The following MAPK8IP3 variants were observed in gnomAD, a reference collection of about 807,000 sequenced individuals.
MAPK8IP3 encodes the protein C-Jun-amino-terminal kinase-interacting protein 3.
MAPK8IP3 carries 49 observed loss-of-function variants against 157.8 expected under a neutral mutation model. That is an observed-to-expected ratio of 0.31 (90% CI 0.25 to 0.39). The LOEUF (loss-of-function observed/expected upper bound fraction) is 0.39, where lower values mean the gene tolerates loss of function less well. Among genes scored for constraint, MAPK8IP3 ranks in the 10% least tolerant of loss-of-function variants. The probability of loss-of-function intolerance (pLI) is 1.00; values close to 1 mark genes in which losing one functional copy is unlikely to be tolerated. For synonymous variants in MAPK8IP3, 897 were observed against 777.7 expected (o/e 1.15, Z -2.55); for missense variants, 1,478 against 1,889.4 (o/e 0.78, Z 4.04).
intron 1 of MAPK8IP3, among the ~76,000 whole-genome samples, chr16:1,713,365 C>T (rs760491035): frequency 3.3e-5 from 5 of 152,168 alleles, no homozygotes; most frequent in African/African-American, 1.2e-4. Context: ...ACTACAGGCT[C>T]GTGCCACCAT....
At chr16:1,764,058 T>C in intron 17 of MAPK8IP3, 57 bp from the exon 18 acceptor site, 1 of 1,492,852 alleles carries the variant, frequency 6.7e-7, no homozygotes, top group Admixed American at 1.9e-5. Flanking sequence ...CTCAGATTTC[T>C]GGAGGGATGG....
At chr16:1,763,459 G>A (rs938238911) in intron 16 of MAPK8IP3, among the ~76,000 whole-genome samples, 198 bp from the exon 17 acceptor site, 27 of 152,228 alleles carry the variant, frequency 1.8e-4, no homozygotes, top group Non-Finnish European at 1.5e-5. Context: ...CATAGCCGGT[G>A]CCAGGAAAGC....
chr16:1,736,179 C>CGTGTGACCGTCCGTGTGAGCAT (rs1567163473), intron 4 of MAPK8IP3, among the ~76,000 whole-genome samples: 88 of 100,292 alleles, frequency 8.8e-4, no homozygotes, highest in African/African-American at 3.1e-3. Flanking sequence ...TCCGTGTGAG[C>CGTGTGACCGTCCGTGTGAGCAT]GTGTGACCGT....
chr16:1,729,006 C>A, intron 2 of MAPK8IP3, 132 bp from the exon 3 acceptor site: 1 of 800,632 alleles, frequency 1.2e-6, no homozygotes, highest in Non-Finnish European at 2.2e-6. Context: ...ACTTGCCGGG[C>A]TGCTGCTGGT....
intron 5 of MAPK8IP3, 188 bp from the exon 6 acceptor site, chr16:1,746,841 G>C: frequency 1.5e-6 from 1 of 656,260 alleles, no homozygotes; most frequent in Non-Finnish European, 2.5e-6. Context: ...CGGATAAGCA[G>C]AGCCACTCGG....
At chr16:1,712,530 A>C (rs2037857868) in intron 1 of MAPK8IP3, among the ~76,000 whole-genome samples, 1 of 152,140 alleles carries the variant, frequency 6.6e-6, no homozygotes, top group Non-Finnish European at 1.5e-5. Context: ...AATTCCAGGC[A>C]GGGGGATTAG....
chr16:1,755,143 T>C (rs2041521381), intron 8 of MAPK8IP3, among the ~76,000 whole-genome samples: 1 of 152,186 alleles, frequency 6.6e-6, no homozygotes. Context: ...AAACCTGTGA[T>C]ACGAGCTCAT....
chr16:1,761,181 C>A (rs2041912306), intron 12 of MAPK8IP3, 43 bp from the exon 13 acceptor site: 2 of 1,523,692 alleles, frequency 1.3e-6, no homozygotes, highest in Non-Finnish European at 1.8e-6. Flanking sequence ...CCCGAGGCCC[C>A]TGGGAGGCCC....
chr16:1,759,838 C>T (rs1305299916), intron 10 of MAPK8IP3, 120 bp from the exon 11 acceptor site: 7 of 843,036 alleles, frequency 8.3e-6, no homozygotes, highest in Middle Eastern at 2.8e-4. Flanking sequence ...CCCTGTAGAT[C>T]GGGCGTCATC....
At chr16:1,727,913 C>G (rs137991658) in intron 2 of MAPK8IP3, among the ~76,000 whole-genome samples, 155 of 152,352 alleles carry the variant, frequency 1.0e-3, no homozygotes, top group African/African-American at 3.5e-3. Context: ...TAAACAGACA[C>G]CAGAAAGCTG....
At chr16:1,722,635 T>TG (rs2038603746) in intron 1 of MAPK8IP3, among the ~76,000 whole-genome samples, 1 of 151,050 alleles carries the variant, frequency 6.6e-6, no homozygotes, top group Non-Finnish European at 1.5e-5. Flanking sequence ...GAGGCTGAGG[T>TG]GGGAGGATCG....
intron 8 of MAPK8IP3, among the ~76,000 whole-genome samples, chr16:1,750,847 T>A (rs952159530): frequency 1.3e-5 from 2 of 151,998 alleles, no homozygotes; most frequent in African/African-American, 4.8e-5. Context: ...GGTTTCACAG[T>A]GTTGGTCAGG....
intron 4 of MAPK8IP3, among the ~76,000 whole-genome samples, chr16:1,737,147 C>CGT (rs2039998814): frequency 3.6e-5 from 2 of 55,334 alleles, no homozygotes; most frequent in Non-Finnish European, 6.5e-5. Context: ...TGTGACCATC[C>CGT]GTGACCGTCC....
rs781662638 is a variant in MAPK8IP3, at chr16:1,758,133, C to T, written c.1217-15C>T. On this transcript the variant is annotated splice_polypyrimidine_tract_variant and intron_variant, in intron 8 of 31. Transcript: ENST00000610761. ...TTCCTTCCCCTGCCTCTCTGTGCGT[C>T]GCTGGACTCGCCAGGGGAGTTCTCA... is the stretch of plus-strand genomic sequence containing the variant. 3.1e-6 allele frequency: 5 copies of T among 1,613,574 alleles called. No homozygotes were observed. Among genetic ancestry groups the T allele is most frequent in the African/African-American group, 2.7e-5 (2 of 74,932 alleles).
rs767997804 is a variant in MAPK8IP3 at position 1,762,373 on chromosome 16, G to A, written c.1562G>A (p.Arg521His). ...CAGGACAAAATCCCCATGGCCCAGC[G>A]CCGCCGCTTCACGCGGGTGGAGATG... ...TESDKIPMAQ[R>H]RRFTRVEMAR... Residue 521 changes from arginine (R) to histidine (H), a missense_variant, in exon 14 of 32, where the codon CGC (arginine) becomes CAC (histidine). This residue lies in a region of MAPK8IP3 where 96 missense variants were observed against 106.3 expected (regional missense o/e 0.90). Transcript: ENST00000610761. 1.3e-6 allele frequency: 2 copies of A among 1,582,336 alleles called. No individual in the cohort carries two copies. Among genetic ancestry groups the A allele is most frequent in the Non-Finnish European group, 1.7e-6 (2 of 1,164,624 alleles).
At chr16:1,736,728 GTGTGAGCGTGTGACCATCCA>G (rs2039900722) in intron 4 of MAPK8IP3, among the ~76,000 whole-genome samples, 1 of 78,028 alleles carries the variant, frequency 1.3e-5, no homozygotes, top group Admixed American at 1.7e-4. Context: ...GTGACCGTCC[GTGTGAGCGTGTGACCATCCA>G]TGTGAGCATC....
chr16:1,707,576 C>T (rs188713689), intron 1 of MAPK8IP3: 64 of 152,346 alleles, frequency 4.2e-4, no homozygotes, highest in Non-Finnish European at 8.5e-4. Flanking sequence ...ATTCATTCAC[C>T]GTCAGATACT....
chr16:1,721,026 T>C (rs1896856885), intron 1 of MAPK8IP3, among the ~76,000 whole-genome samples: 1 of 143,306 alleles, frequency 7.0e-6, no homozygotes, highest in African/African-American at 2.6e-5. Context: ...AGAGCAAAAC[T>C]TTGTCTCAAA....
chr16:1,746,865 CGGAAGGGTTAGCCCGGTGG>C, intron 5 of MAPK8IP3, 145 bp from the exon 6 acceptor site: 1 of 839,596 alleles, frequency 1.2e-6, no homozygotes, highest in Non-Finnish European at 1.8e-6. Flanking sequence ...TGGTGAGGCC[CGGAAGGGTTAGCCCGGTGG>C]GCGGCAGAGG....
Sources: gnomAD v4.1 joint callset for allele counts (sites outside exome capture counted in the v4.1 genomes callset) on GRCh38, gnomAD v4.1.1 for gene constraint, gnomAD v4.1.1 regional missense constraint, MANE v1.5 for transcripts, NCBI Gene and HGNC (gene_info 2026-07-23, HGNC 2026-07-21) for gene names.